GTF3C3: variants seen among roughly 807,000 people sequenced by gnomAD.
GTF3C3 encodes general transcription factor IIIC subunit 3, also known as general transcription factor 3C polypeptide 3.
GTF3C3 carries 75 observed loss-of-function variants against 105.2 expected under a neutral mutation model. The observed-to-expected ratio is 0.71, with a 90% CI of 0.59 to 0.86. GTF3C3 has a LOEUF of 0.86. Among genes scored for constraint, GTF3C3 ranks in the 40% least tolerant of loss-of-function variants. GTF3C3 has a pLI of 0.00. For missense variants in GTF3C3, 856 were observed against 1,076.5 expected (o/e 0.80, Z 2.87); for synonymous variants, 335 against 370.4 (o/e 0.90, Z 1.10).
intron 2 of GTF3C3, among the ~76,000 whole-genome samples, 186 bp from the exon 3 acceptor site, chr2:196,793,338 T>C (rs1039614309): frequency 6.6e-6 from 1 of 152,184 alleles, no homozygotes; most frequent in African/African-American, 2.4e-5. Flanking sequence ...TATTTTATTA[T>C]ATAGGAACAG....
At chr2:196,781,357 A>AAAAAAAAAAAAAAATATATATAT in intron 8 of GTF3C3, among the ~76,000 whole-genome samples, 1 of 18,816 alleles carries the variant, frequency 5.3e-5, no homozygotes, top group Non-Finnish European at 1.5e-4. Context: ...AAAAAAAAAA[A>AAAAAAAAAAAAAAATATATATAT]ATATATATAT....
chr2:196,784,371 T>C (rs746861182), intron 8 of GTF3C3, among the ~76,000 whole-genome samples: 4 of 152,184 alleles, frequency 2.6e-5, no homozygotes, highest in Non-Finnish European at 5.9e-5. Context: ...ACAAAGAGAC[T>C]GCAAGCCACA....
rs200654998 is a variant in GTF3C3 at position 196,769,874 on chromosome 2, A to T, written c.2385+41T>A. 3.3e-6 allele frequency: 5 copies of T among 1,538,222 alleles called. No individual in the cohort carries two copies. The East Asian group carries it at 1.1e-4, about 35-fold the overall frequency. ...AAAGTATTAAGTATATTCATTTTTA[A>T]GAAACATAAAATCAAGTAACGAGAA... On this transcript the variant is annotated intron_variant, in intron 16 of 17. Coordinates refer to ENST00000263956, the MANE Select transcript of GTF3C3 (RefSeq NM_012086.5).
chr2:196,767,740 A>G (rs967628752), intron 16 of GTF3C3, among the ~76,000 whole-genome samples: 2 of 152,210 alleles, frequency 1.3e-5, no homozygotes, highest in African/African-American at 4.8e-5. Context: ...AGAAATATCA[A>G]GTATTCATAG....
chr2:196,784,289 A>T (rs929084452), intron 8 of GTF3C3, among the ~76,000 whole-genome samples: 2 of 152,142 alleles, frequency 1.3e-5, no homozygotes, highest in Non-Finnish European at 2.9e-5. Flanking sequence ...GCTCATAAAG[A>T]TCAATTTTGC....
intron 3 of GTF3C3, among the ~76,000 whole-genome samples, chr2:196,792,602 G>A (rs1000233299): frequency 1.3e-5 from 2 of 152,054 alleles, no homozygotes; most frequent in Non-Finnish European, 2.9e-5. Context: ...GTTTAAATGA[G>A]CCACTTTGCT....
At chr2:196,773,373 C>T (rs1430318188) in intron 13 of GTF3C3, among the ~76,000 whole-genome samples, 2 of 152,224 alleles carry the variant, frequency 1.3e-5, no homozygotes, top group Non-Finnish European at 2.9e-5. Flanking sequence ...CATTCCCAGG[C>T]ACCTGATTCG....
At chr2:196,794,992 G>A (rs1699616128) in intron 2 of GTF3C3, among the ~76,000 whole-genome samples, 1 of 152,122 alleles carries the variant, frequency 6.6e-6, no homozygotes, top group African/African-American at 2.4e-5. Context: ...GCCTCCCAAA[G>A]TACTGGGATT....
In GTF3C3 at chr2:196,789,313, C is replaced by CA; in HGVS notation, c.783dup (p.Glu262Ter). The CA allele has an allele frequency of 6.2e-7, 1 of 1,613,060 alleles. No individual in the cohort carries two copies. Among genetic ancestry groups the CA allele is most frequent in the African/African-American group, 1.3e-5 (1 of 74,982 alleles). On this transcript the variant is annotated frameshift_variant, in exon 6 of 18. Transcript: ENST00000263956. LOFTEE classifies it high-confidence loss of function. ...GCCATTTTATGATCACCCATCTGTTCATAAAGGCTTGATCGCTCCCACAGA... is the reference window on the plus strand; with the variant it reads ...GCCATTTTATGATCACCCATCTGTTCAATAAAGGCTTGATCGCTCCCACAGA...
Position 196,766,732 on chromosome 2 carries a change from A to AAAGAT in GTF3C3, c.2386-20_2386-16dup. On this transcript the variant is annotated splice_polypyrimidine_tract_variant and intron_variant, in intron 16 of 17. Coordinates refer to ENST00000263956, the MANE Select transcript of GTF3C3 (RefSeq NM_012086.5). ...AAGGAAAAGCCCTAACCAAAAAGAAAAAGATAATTCAATATTTCACTGATT... is the reference window on the plus strand; with the variant it reads ...AAGGAAAAGCCCTAACCAAAAAGAAAAAGATAAGATAATTCAATATTTCACTGATT... The AAAGAT allele has an allele frequency of 6.3e-7, 1 of 1,597,858 alleles. No homozygotes were observed. The highest frequency in any genetic ancestry group is 8.5e-7 in the Non-Finnish European group (1 of 1,170,622).
chr2:196,780,305 A>G (rs1246729041), intron 9 of GTF3C3: 8 of 1,062,898 alleles, frequency 7.5e-6, no homozygotes, highest in African/African-American at 1.6e-5. Context: ...ACAATCTCAA[A>G]TGGTCTAAAG....
Position 196,764,450 on chromosome 2 carries a change from GGT to G in GTF3C3, c.*111_*112del. ...TTAAAAATAAATACACTGTTTGTTA[GGT>G]AATTCTGAAATTGTCATTTCTATTT... On this transcript the variant is annotated 3_prime_UTR_variant, in exon 18 of 18. Coordinates refer to ENST00000263956, the MANE Select transcript of GTF3C3 (RefSeq NM_012086.5). 1.1e-6 allele frequency: 1 copy of G among 925,030 alleles called. No homozygotes were observed. The highest frequency in any genetic ancestry group is 1.6e-6 in the Non-Finnish European group (1 of 634,964). The allele number at this position is 925,030 out of a possible 1,614,324, so 57.3% of individuals were successfully genotyped here. A position where few individuals can be genotyped will look rare whatever the true frequency, so the allele number is the denominator to read the frequency against.
intron 9 of GTF3C3, 63 bp from the exon 10 acceptor site, chr2:196,779,130 CTTT>C (rs879111814): frequency 1.2e-3 from 1,274 of 1,031,880 alleles, no homozygotes; most frequent in Middle Eastern, 2.1e-3. Flanking sequence ...CTATCTATAG[CTTT>C]TTTTTTTTTT....
chr2:196,766,283 C>G (rs1699067432), intron 17 of GTF3C3, among the ~76,000 whole-genome samples: 1 of 152,032 alleles, frequency 6.6e-6, no homozygotes, highest in Admixed American at 6.6e-5. Flanking sequence ...CTTCACTATT[C>G]AGAGGTTACG....
chr2:196,796,476 T>C (rs941083769), intron 2 of GTF3C3, among the ~76,000 whole-genome samples: 3 of 152,220 alleles, frequency 2.0e-5, no homozygotes, highest in African/African-American at 7.2e-5. Context: ...GACACACAAA[T>C]TGTGAGAACA....
intron 16 of GTF3C3, among the ~76,000 whole-genome samples, chr2:196,768,466 C>T (rs1334935264): frequency 2.0e-5 from 3 of 151,584 alleles, no homozygotes; most frequent in Non-Finnish European, 4.4e-5. Flanking sequence ...GAAACATTGA[C>T]GATTTTACTT....
In GTF3C3 at chr2:196,764,614, A is replaced by ACTGCT; in HGVS notation, c.2605_2609dup (p.Ser870ArgfsTer50). 6.2e-7 allele frequency: 1 copy of ACTGCT among 1,613,454 alleles called. No individual in the cohort carries two copies. The highest frequency in any genetic ancestry group is 8.5e-7 in the Non-Finnish European group (1 of 1,179,414). ...GCGTTTGAGCCATTCCGGTATTCCC[A>ACTGCT]CTGCTCTGATAGATGAGAGACAAGT... On this transcript the variant is annotated frameshift_variant, in exon 18 of 18. Transcript: ENST00000263956. LOFTEE classifies it high-confidence loss of function.
chr2:196,772,142 T>A (rs1699185653), intron 14 of GTF3C3, among the ~76,000 whole-genome samples: 1 of 152,206 alleles, frequency 6.6e-6, no homozygotes, highest in Non-Finnish European at 1.5e-5. Context: ...AAGTTAGTGT[T>A]TCTATATCTT....
intron 17 of GTF3C3, 128 bp from the exon 18 acceptor site, chr2:196,764,813 A>G: frequency 1.5e-6 from 1 of 664,230 alleles, no homozygotes; most frequent in African/African-American, 1.8e-5. Context: ...GTACTAAAAA[A>G]AAATTATAAA....
Sources: allele counts gnomAD v4.1 joint callset (sites outside exome capture counted in the v4.1 genomes callset), GRCh38; gene constraint gnomAD v4.1.1; transcripts MANE v1.5; gene names NCBI Gene and HGNC (gene_info 2026-07-23, HGNC 2026-07-21).